The following MAF variants were observed in gnomAD, a reference collection of about 807,000 sequenced individuals.
MAF encodes the protein transcription factor Maf.
Under a neutral mutation model 22.0 loss-of-function variants are expected in MAF, and 10 were observed. That is an observed-to-expected ratio of 0.45 (90% CI 0.28 to 0.77). The LOEUF (loss-of-function observed/expected upper bound fraction) is 0.77. Ranked by LOEUF, MAF falls within the 30% of genes least tolerant of loss-of-function variation. The pLI is 0.12. For synonymous variants in MAF, 337 were observed against 255.8 expected (o/e 1.32, Z -3.03); for missense variants, 544 against 548.4 (o/e 0.99, Z 0.08).
At chr16:79,506,203 GC>G in the MAF span, among the ~76,000 whole-genome samples, 1 of 152,258 alleles carries the variant, frequency 6.6e-6, no homozygotes, top group African/African-American at 2.4e-5. Context: ...TCTGTAACCA[GC>G]TATTGTCCCA....
chr16:79,407,914 G>A, the MAF span, among the ~76,000 whole-genome samples: 1 of 151,956 alleles, frequency 6.6e-6, no homozygotes, highest in Non-Finnish European at 1.5e-5. Context: ...TGACAGACAA[G>A]GAAAGGGGCG....
the MAF span, among the ~76,000 whole-genome samples, chr16:79,390,564 A>C: frequency 6.6e-6 from 1 of 152,178 alleles, no homozygotes; most frequent in Non-Finnish European, 1.5e-5. Context: ...CACATCAAGG[A>C]ACAGACTGCT....
the MAF span, among the ~76,000 whole-genome samples, chr16:79,272,917 C>T: frequency 1.3e-5 from 2 of 152,078 alleles, no homozygotes; most frequent in South Asian, 4.1e-4. Context: ...GATCCAAGAC[C>T]CTAAACTTAG....
the MAF span, among the ~76,000 whole-genome samples, chr16:79,323,131 A>AGC: frequency 4.8e-4 from 60 of 126,148 alleles, no homozygotes; most frequent in Non-Finnish European, 8.6e-4. Flanking sequence ...CCTGGGTGAC[A>AGC]GCGCGAGACT....
the MAF span, among the ~76,000 whole-genome samples, chr16:79,461,443 G>A: frequency 1.3e-5 from 2 of 152,090 alleles, no homozygotes; most frequent in Non-Finnish European, 2.9e-5. Flanking sequence ...GCATCCTCGG[G>A]CCATGTCAGC....
the MAF span, among the ~76,000 whole-genome samples, chr16:79,301,816 G>A: frequency 2.0e-5 from 3 of 152,194 alleles, no homozygotes; most frequent in Non-Finnish European, 4.4e-5. Context: ...CACACTTGCT[G>A]TTATTTAATC....
At chr16:79,509,506 G>A in the MAF span, among the ~76,000 whole-genome samples, 7 of 152,068 alleles carry the variant, frequency 4.6e-5, no homozygotes, top group East Asian at 5.8e-4. Context: ...GATGGAACAC[G>A]AGGCCCTGCT....
the MAF span, among the ~76,000 whole-genome samples, chr16:79,394,926 G>A: frequency 1.3e-5 from 2 of 152,174 alleles, no homozygotes; most frequent in African/African-American, 4.8e-5. Flanking sequence ...CTCCACAGTG[G>A]TCAAGAGCCT....
the MAF span, among the ~76,000 whole-genome samples, chr16:79,488,386 C>A: frequency 6.6e-6 from 1 of 152,144 alleles, no homozygotes; most frequent in African/African-American, 2.4e-5. Context: ...TGGGGCGAGA[C>A]TGCTTGGGAT....
Position 79,599,932 on chromosome 16 carries a change from C to T in MAF, c.-30G>A, listed in dbSNP as rs1433695319. On this transcript the variant is annotated 5_prime_UTR_variant, in exon 1 of 2. Coordinates refer to ENST00000326043, the MANE Select transcript of MAF (RefSeq NM_005360.5). ...CTGCCGCCGCCGCCGCCGCCGCCGCCGCTCCGCCAGATGGGCTGCAGGAGA... is the reference window on the plus strand; with the variant it reads ...CTGCCGCCGCCGCCGCCGCCGCCGCTGCTCCGCCAGATGGGCTGCAGGAGA... 3 of 1,264,154 alleles carry T rather than the reference C, an allele frequency of 2.4e-6. No individual in the cohort carries two copies. The South Asian group carries it at 3.7e-5, about 16-fold the overall frequency. 78.3% of individuals were successfully genotyped at this position (1,264,154 alleles called of 1,614,324 possible). A position where few individuals can be genotyped will look rare whatever the true frequency, so the allele number is the denominator to read the frequency against.
chr16:79,506,783 A>C, the MAF span, among the ~76,000 whole-genome samples: 2 of 152,186 alleles, frequency 1.3e-5, no homozygotes, highest in African/African-American at 4.8e-5. Context: ...GCTGCCACTG[A>C]AGGAGTGAAG....
chr16:79,428,352 TCCCTTTTCTGCAGCCA>T, the MAF span, among the ~76,000 whole-genome samples: 2 of 152,010 alleles, frequency 1.3e-5, no homozygotes, highest in African/African-American at 2.4e-5. Context: ...GATGTTTAGG[TCCCTTTTCTGCAGCCA>T]CCTCTAGCTG....
At chr16:79,327,905 C>G in the MAF span, among the ~76,000 whole-genome samples, 1 of 152,184 alleles carries the variant, frequency 6.6e-6, no homozygotes, top group Non-Finnish European at 1.5e-5. Flanking sequence ...ACCATTTGAT[C>G]GCCAGAAAAT....
At chr16:79,567,586 G>C in the MAF span, among the ~76,000 whole-genome samples, 1 of 152,130 alleles carries the variant, frequency 6.6e-6, no homozygotes, top group Non-Finnish European at 1.5e-5. Flanking sequence ...GTCCTGATCT[G>C]GGTCAAATTT....
At chr16:79,583,596 G>A (rs1912658844), downstream of MAF, among the ~76,000 whole-genome samples, 2 of 152,190 alleles carry the variant, frequency 1.3e-5, no homozygotes, top group South Asian at 4.1e-4. Context: ...AGCACGCTAA[G>A]GTCCATCCCC....
At chr16:79,258,768 TGCTCCAACCCTGTTG>T in the MAF span, among the ~76,000 whole-genome samples, 2 of 152,174 alleles carry the variant, frequency 1.3e-5, no homozygotes, top group Non-Finnish European at 2.9e-5. Context: ...TTCAAGAGCC[TGCTCCAACCCTGTTG>T]GCAAGTATAG....
the MAF span, among the ~76,000 whole-genome samples, chr16:79,469,228 T>C: frequency 6.6e-6 from 1 of 152,230 alleles, no homozygotes; most frequent in East Asian, 1.9e-4. Flanking sequence ...GCTGCTTTCA[T>C]TCCTCAATGG....
the MAF span, among the ~76,000 whole-genome samples, chr16:79,314,416 G>T: frequency 6.6e-5 from 10 of 152,228 alleles, 1 homozygote; most frequent in African/African-American, 2.4e-4. Flanking sequence ...GGAAGTCTGG[G>T]TCTGCGATGG....
At chr16:79,382,773 T>A in the MAF span, among the ~76,000 whole-genome samples, 1 of 152,210 alleles carries the variant, frequency 6.6e-6, no homozygotes, top group Non-Finnish European at 1.5e-5. Context: ...TGTGCATTTA[T>A]TCATAAAATG....
Sources: gnomAD v4.1 joint callset for allele counts (sites outside exome capture counted in the v4.1 genomes callset) on GRCh38, gnomAD v4.1.1 for gene constraint, MANE v1.5 for transcripts, NCBI Gene and HGNC (gene_info 2026-07-23, HGNC 2026-07-21) for gene names.